Variants in SGK1 observed in about 807,000 individuals in gnomAD.
SGK1 encodes serine/threonine-protein kinase Sgk1.
In SGK1, 26 loss-of-function variants were observed where a neutral mutation model predicts 64.2. That is an observed-to-expected ratio of 0.40 (90% CI 0.30 to 0.56). The LOEUF (loss-of-function observed/expected upper bound fraction) is 0.56, where lower values mean the gene tolerates loss of function less well. Among genes scored for constraint, SGK1 ranks in the 20% least tolerant of loss-of-function variants. The pLI is 0.38. For missense variants in SGK1, 519 were observed against 645.6 expected (o/e 0.80, Z 2.12); for synonymous variants, 265 against 239.7 (o/e 1.11, Z -0.98).
chr6:134,298,724 G>A (rs9389156), intron 1 of SGK1: 136,057 of 617,218 alleles, frequency 0.22, 19,435 homozygotes, highest in East Asian at 0.66. Context: ...AGGCAGGCGG[G>A]CTGAACCAGG....
At chr6:134,227,999 G>A (rs1023349563) in intron 2 of SGK1, among the ~76,000 whole-genome samples, 1 of 123,724 alleles carries the variant, frequency 8.1e-6, no homozygotes, top group Non-Finnish European at 1.6e-5. Flanking sequence ...CTGTCACCCA[G>A]GCTAGAATGC....
At chr6:134,174,854 C>T (rs759524082) in intron 3 of SGK1, 10 of 1,612,466 alleles carry the variant, frequency 6.2e-6, no homozygotes, top group Non-Finnish European at 8.5e-6. Flanking sequence ...AAGACCGGCT[C>T]GGCGTATGCT....
intron 3 of SGK1, chr6:134,177,752 A>G (rs1775269676): frequency 6.2e-7 from 1 of 1,613,914 alleles, no homozygotes; most frequent in Admixed American, 1.7e-5. Flanking sequence ...GGCTGGAGGT[A>G]GAGCCCAGTT....
At chr6:134,200,341 T>C (rs1039211300) in intron 3 of SGK1, among the ~76,000 whole-genome samples, 4 of 152,198 alleles carry the variant, frequency 2.6e-5, no homozygotes, top group Non-Finnish European at 4.4e-5. Flanking sequence ...TTTTATGTTA[T>C]AATGATAAAA....
intron 3 of SGK1, among the ~76,000 whole-genome samples, chr6:134,191,835 A>ATTTTTTTTTTTTTTTTTTTTT (rs71003671): frequency 6.5e-5 from 4 of 61,200 alleles, no homozygotes; most frequent in African/African-American, 2.7e-4. Flanking sequence ...CGCCCGGCTG[A>ATTTTTTTTTTTTTTTTTTTTT]TTTTTTTTTT....
chr6:134,207,648 T>A (rs1424662824), intron 2 of SGK1, among the ~76,000 whole-genome samples: 1 of 152,202 alleles, frequency 6.6e-6, no homozygotes, highest in African/African-American at 2.4e-5. Context: ...ACCGGGACAG[T>A]TGGTCCCCTT....
chr6:134,204,011 C>T (rs1260515865), intron 3 of SGK1, among the ~76,000 whole-genome samples: 6 of 151,378 alleles, frequency 4.0e-5, no homozygotes, highest in Middle Eastern at 3.4e-3. Flanking sequence ...TTGCAGTGAG[C>T]CGAGCCGAGA....
In SGK1 at chr6:134,262,145, G is replaced by T. The variant is rs372082116; in HGVS notation, c.73C>A (p.Arg25=). Residue 25 remains arginine, a synonymous_variant, in exon 2 of 14, where the codon CGA becomes AGA. Coordinates refer to ENST00000367858, the MANE Select transcript of SGK1 (RefSeq NM_001143676.3). ...ACCATTGGGCTCTTGATCCACCTTC[G>T]TACCTGCAATGTGCAAAAGGAAAGA... The part of the protein sequence containing the change: ...SAFQFFKKRV[R]RWIKSPMVSV... The T allele has an allele frequency of 2.5e-6, 4 of 1,571,158 alleles. No homozygotes were observed. The highest frequency in any genetic ancestry group is 2.6e-6 in the Non-Finnish European group (3 of 1,154,360).
At chr6:134,239,068 G>T (rs1391678298) in intron 2 of SGK1, among the ~76,000 whole-genome samples, 1 of 152,164 alleles carries the variant, frequency 6.6e-6, no homozygotes, top group African/African-American at 2.4e-5. Flanking sequence ...ACAGCTGAAC[G>T]CATACTTGGC....
chr6:134,313,005 T>G (rs1777628429), intron 1 of SGK1, among the ~76,000 whole-genome samples: 1 of 152,178 alleles, frequency 6.6e-6, no homozygotes, highest in Non-Finnish European at 1.5e-5. Flanking sequence ...ACTCCTGACT[T>G]TAAGTGATCT....
chr6:134,240,996 T>A (rs1398591762), intron 2 of SGK1, among the ~76,000 whole-genome samples: 1 of 151,852 alleles, frequency 6.6e-6, no homozygotes, highest in African/African-American at 2.4e-5. Context: ...TAGTAGAAAA[T>A]CAAATCTCAA....
chr6:134,215,922 A>T (rs1775972220), intron 2 of SGK1, among the ~76,000 whole-genome samples: 1 of 152,192 alleles, frequency 6.6e-6, no homozygotes, highest in Non-Finnish European at 1.5e-5. Context: ...AGGATGAGGC[A>T]GGAGAATCGC....
At chr6:134,257,759 C>G (rs1236580820) in intron 2 of SGK1, among the ~76,000 whole-genome samples, 2 of 152,130 alleles carry the variant, frequency 1.3e-5, no homozygotes, top group African/African-American at 4.8e-5. Context: ...TCACCTGACT[C>G]CAGCACATGC....
intron 1 of SGK1, chr6:134,297,420 A>T (rs1777376268): frequency 1.4e-6 from 1 of 711,992 alleles, no homozygotes; most frequent in Non-Finnish European, 2.6e-6. Context: ...GGCATCTGCG[A>T]TGGCAGTCTC....
chr6:134,236,095 G>A (rs1776361192), intron 2 of SGK1, among the ~76,000 whole-genome samples: 1 of 152,008 alleles, frequency 6.6e-6, no homozygotes. Context: ...TGACTTTTCT[G>A]TATATATTTT....
intron 2 of SGK1, among the ~76,000 whole-genome samples, chr6:134,246,289 C>T (rs1293173950): frequency 6.6e-6 from 1 of 151,720 alleles, no homozygotes; most frequent in African/African-American, 2.4e-5. Flanking sequence ...GCTGGGATTA[C>T]AGGCATGTGC....
intron 1 of SGK1, among the ~76,000 whole-genome samples, chr6:134,280,332 G>T (rs918514266): frequency 1.1e-4 from 16 of 152,210 alleles, no homozygotes; most frequent in Admixed American, 5.2e-4. Context: ...CTTACTCACG[G>T]CTGTCTTGAA....
At chr6:134,205,287 G>A (rs1342406172) in intron 3 of SGK1, among the ~76,000 whole-genome samples, 1 of 152,148 alleles carries the variant, frequency 6.6e-6, no homozygotes, top group East Asian at 1.9e-4. Flanking sequence ...GTATACTGCT[G>A]ATGGACTGAA....
intron 1 of SGK1, among the ~76,000 whole-genome samples, chr6:134,280,912 C>CA (rs1328267315): frequency 1.3e-5 from 2 of 152,076 alleles, no homozygotes; most frequent in East Asian, 1.9e-4. Flanking sequence ...ACTAAAAATA[C>CA]AAAAAAATTA....
Sources: gnomAD v4.1 joint callset for allele counts (sites outside exome capture counted in the v4.1 genomes callset) on GRCh38, gnomAD v4.1.1 for gene constraint, MANE v1.5 for transcripts, NCBI Gene and HGNC (gene_info 2026-07-23, HGNC 2026-07-21) for gene names.